PKLR: variants seen among roughly 807,000 people sequenced by gnomAD.
The protein encoded by PKLR is pyruvate kinase L/R, also known as pyruvate kinase PKLR.
A neutral mutation model predicts 53.6 loss-of-function variants in PKLR; 38 were observed. The observed-to-expected ratio is 0.71, with a 90% CI of 0.55 to 0.93. The LOEUF is 0.93. Among genes scored for constraint, PKLR ranks in the 40% least tolerant of loss-of-function variants. The pLI, the probability that PKLR is intolerant of heterozygous loss-of-function variation, is 0.00. For missense variants in PKLR, 702 were observed against 787.3 expected (o/e 0.89, Z 1.30); for synonymous variants, 328 against 316.2 (o/e 1.04, Z -0.39).
chr1:155,297,725 A>T (rs1302326550), intron 2 of PKLR, among the ~76,000 whole-genome samples: 1 of 152,162 alleles, frequency 6.6e-6, no homozygotes, highest in Non-Finnish European at 1.5e-5. Context: ...AAAATGGCCT[A>T]CAAAGCTGCA....
Position 155,295,850 on chromosome 1 carries a change from A to T in PKLR, c.284-94T>A. On this transcript the variant is annotated intron_variant, in intron 2 of 10. Coordinates refer to ENST00000342741, the MANE Select transcript of PKLR (RefSeq NM_000298.6). The surrounding 1 kb of genome is among the most constrained non-coding windows in gnomAD (Gnocchi z 4.3). ...TACCATTCTCAGAACGCCTCACGCC[A>T]CAGGCGTCCTGTTACCTGATCTTTA... 9.8e-7 allele frequency: 1 copy of T among 1,024,960 alleles called. No individual in the cohort carries two copies. Among genetic ancestry groups the T allele is most frequent in the Non-Finnish European group, 1.5e-6 (1 of 654,386 alleles). The allele number at this position is 1,024,960 out of a possible 1,614,324, so 63.5% of individuals were successfully genotyped here. A position where few individuals can be genotyped will look rare whatever the true frequency, so the allele number is the denominator to read the frequency against.
At chr1:155,301,523 C>A (rs1026240543), upstream of PKLR, 6 of 1,201,106 alleles carry the variant, frequency 5.0e-6, no homozygotes, top group Non-Finnish European at 6.1e-6. Context: ...CCTGTCCCCA[C>A]AGAATCCCTC....
At chr1:155,305,311 G>A (rs1185192906), upstream of PKLR, among the ~76,000 whole-genome samples, 4 of 152,202 alleles carry the variant, frequency 2.6e-5, no homozygotes, top group Admixed American at 6.5e-5. Context: ...CAGGAGTGGA[G>A]CTGGGATTCA....
rs774176341 is a variant in PKLR at position 155,301,391 on chromosome 1, G to T, written c.5C>A (p.Ser2Ter). 4 of 1,613,930 alleles carry T rather than the reference G, an allele frequency of 2.5e-6. No individual in the cohort carries two copies. The highest frequency in any genetic ancestry group is 3.4e-6 in the Non-Finnish European group (4 of 1,179,890). The change falls in exon 1 of 11, where the codon TCG (serine) becomes TAG (stop). Residue 2 changes from serine (S) to a stop codon, truncating the protein, a stop_gained. Transcript: ENST00000342741. LOFTEE classifies it high-confidence loss of function. M[S>*]IQENISSLQL... is the part of the protein sequence containing the mutation. ...CAGGGATGATATGTTCTCCTGGATC[G>T]ACATGCTTTCAGTGTGGGCCTGGGG...
intron 1 of PKLR, chr1:155,301,017 T>C (rs575944810): frequency 2.0e-4 from 312 of 1,549,868 alleles, no homozygotes; most frequent in Non-Finnish European, 2.6e-4. Flanking sequence ...CACTGTCTCC[T>C]GTTCCATTGG....
chr1:155,294,688 G>T lies in PKLR; in HGVS notation c.759C>A (p.Asn253Lys). The change falls in exon 6 of 11, where the codon AAC becomes AAA. Residue 253 changes from asparagine (N) to lysine (K), a missense_variant. By Grantham distance (94) the Asn-to-Lys change is moderately conservative (BLOSUM62 0). This residue lies in a region of PKLR where 519 missense variants were observed against 537.1 expected (regional missense o/e 0.97). Transcript: ENST00000342741. ...GCAAGTCCACCTGGGCCCCTGGCAA[G>T]TTCACGCCCTTCCGGCTGCCCAGGA... ...GGVLGSRKGV[N>K]LPGAQVDLPG... The T allele has an allele frequency of 6.2e-7, 1 of 1,614,050 alleles. No individual in the cohort carries two copies. The highest frequency in any genetic ancestry group is 8.5e-7 in the Non-Finnish European group (1 of 1,180,030).
intron 7 of PKLR, 25 bp downstream of exon 7, chr1:155,294,210 C>A: frequency 6.2e-7 from 1 of 1,613,828 alleles, no homozygotes; most frequent in Non-Finnish European, 8.5e-7. Flanking sequence ...CACAGAGTGC[C>A]GAACCTCAAG....
chr1:155,299,209 C>T (rs1435136688), intron 2 of PKLR, among the ~76,000 whole-genome samples: 1 of 135,898 alleles, frequency 7.4e-6, no homozygotes, highest in Non-Finnish European at 1.5e-5. Flanking sequence ...TTCTCTCTTT[C>T]TCTCTAGGGT....
chr1:155,305,396 T>C (rs2148224638), upstream of PKLR, among the ~76,000 whole-genome samples: 1 of 152,014 alleles, frequency 6.6e-6, no homozygotes, highest in East Asian at 1.9e-4. Context: ...ACTGTTTCAG[T>C]GGGTGGGAAA....
the PKLR span, among the ~76,000 whole-genome samples, chr1:155,307,026 T>C: frequency 7.2e-5 from 11 of 152,210 alleles, no homozygotes. Context: ...GCGATTCTCC[T>C]GCCTCAGCTT....
In PKLR at chr1:155,291,907, A is replaced by G; in HGVS notation, c.1467T>C (p.Pro489=). 6.2e-7 allele frequency: 1 copy of G among 1,613,664 alleles called. No homozygotes were observed. The highest frequency in any genetic ancestry group is 8.5e-7 in the Non-Finnish European group (1 of 1,180,020). The part of the protein sequence containing the change: ...RSAQLLSRYR[P]RAAVIAVTRS... ...GGGTGACAGCAATGACTGCTGCCCG[A>G]GGTCGGTACCGAGACAGAAGCTGGG... The change falls in exon 10 of 11, where the codon CCT becomes CCC. Residue 489 remains proline, a synonymous_variant. Coordinates refer to ENST00000342741, the MANE Select transcript of PKLR (RefSeq NM_000298.6).
At chr1:155,294,203 A>C (rs201570003) in intron 7 of PKLR, 32 bp downstream of exon 7, 475 of 1,613,070 alleles carry the variant, frequency 2.9e-4, no homozygotes, top group Non-Finnish European at 3.9e-4. Context: ...TAAAACCCAC[A>C]GAGTGCCGAA....
At position 155,295,475 on chromosome 1, in the gene PKLR, T is replaced by G. The variant is rs753840260; in HGVS notation, c.469A>C (p.Thr157Pro). The G allele has an allele frequency of 6.2e-7, 1 of 1,609,334 alleles. No individual in the cohort carries two copies. The highest frequency in any genetic ancestry group is 1.7e-5 in the Admixed American group (1 of 58,878). ...SYRPVAIALD[T>P]KGPEIRTGIL... ...CCAGTGCGGATCTCCGGTCCCTTGG[T>G]GTCCAGGGCGATGGCCACGGGCCGG... The change falls in exon 4 of 11, where the codon ACC becomes CCC. Residue 157 changes from threonine to proline, a missense_variant. This residue lies in a region of PKLR where 519 missense variants were observed against 537.1 expected (regional missense o/e 0.97). Coordinates refer to ENST00000342741, the MANE Select transcript of PKLR (RefSeq NM_000298.6). The surrounding 1 kb of genome is among the most constrained non-coding windows in gnomAD (Gnocchi z 4.3).
chr1:155,299,742 G>A (rs1022784171), intron 2 of PKLR, among the ~76,000 whole-genome samples: 1 of 151,930 alleles, frequency 6.6e-6, no homozygotes, highest in African/African-American at 2.4e-5. Flanking sequence ...CTGACCTCAA[G>A]TGATCTGCCC....
At chr1:155,308,556 G>A in the PKLR span, 7 of 985,198 alleles carry the variant, frequency 7.1e-6, no homozygotes, top group African/African-American at 1.2e-4. Flanking sequence ...TTACTAACGT[G>A]CCAATCAGCT....
chr1:155,295,229 C>T lies in PKLR; in HGVS notation c.581G>A (p.Arg194Gln). ...CACCCACACGGTGTTCGCGTTCCCCCGCGTCCGGAACGCGGGGTCCACAGT... is the reference window on the plus strand; with the variant it reads ...CACCCACACGGTGTTCGCGTTCCCCTGCGTCCGGAACGCGGGGTCCACAGT... Reference protein sequence around the residue: ...LVTVDPAFRTRGNANTVWVDY... With the variant: ...LVTVDPAFRTQGNANTVWVDY... Residue 194 changes from arginine (R) to glutamine (Q), a missense_variant, in exon 5 of 11, where the codon CGG becomes CAG. Physicochemically the swap from Arg to Gln is conservative, Grantham distance 43. This residue lies in a region of PKLR where 519 missense variants were observed against 537.1 expected (regional missense o/e 0.97). Coordinates refer to ENST00000342741, the MANE Select transcript of PKLR (RefSeq NM_000298.6). The surrounding 1 kb of genome is among the most constrained non-coding windows in gnomAD (Gnocchi z 4.3). 6.2e-7 allele frequency: 1 copy of T among 1,614,072 alleles called. No homozygotes were observed. Among genetic ancestry groups the T allele is most frequent in the East Asian group, 2.2e-5 (1 of 44,872 alleles).
rs759694655 is a variant in PKLR, at chr1:155,295,193, T to C, written c.617A>G (p.Asn206Ser). Residue 206 changes from asparagine (N) to serine (S), a missense_variant, in exon 5 of 11, where the codon AAT (asparagine) becomes AGT (serine). Physicochemically the swap from Asn to Ser is conservative, Grantham distance 46. This residue lies in a region of PKLR where 519 missense variants were observed against 537.1 expected (regional missense o/e 0.97). Coordinates refer to ENST00000342741, the MANE Select transcript of PKLR (RefSeq NM_000298.6). The surrounding 1 kb of genome is among the most constrained non-coding windows in gnomAD (Gnocchi z 4.3). ...CCCCACCGGCACGACCCGGACAATA[T>C]TGGGGTAGTCCACCCACACGGTGTT... is the stretch of plus-strand genomic sequence containing the variant. ...NANTVWVDYP[N>S]IVRVVPVGGR... The C allele has an allele frequency of 1.2e-6, 2 of 1,614,084 alleles. No individual in the cohort carries two copies. The highest frequency in any genetic ancestry group is 2.2e-5 in the East Asian group (1 of 44,878).
intron 10 of PKLR, among the ~76,000 whole-genome samples, chr1:155,291,094 C>T (rs1028776502): frequency 5.9e-5 from 9 of 151,736 alleles, no homozygotes; most frequent in East Asian, 1.9e-4. Flanking sequence ...AGCCCTGTAA[C>T]GAGAACCAGC....
At position 155,301,348 on chromosome 1, in the gene PKLR, G is replaced by A; in HGVS notation, c.48C>T (p.Val16=). The A allele has an allele frequency of 6.2e-7, 1 of 1,614,012 alleles. No homozygotes were observed. Among genetic ancestry groups the A allele is most frequent in the South Asian group, 1.1e-5 (1 of 91,074 alleles). The change falls in exon 1 of 11, where the codon GTC becomes GTT. Residue 16 remains valine, a synonymous_variant. Transcript: ENST00000342741. Reference sequence around the variant, plus strand: ...TTGCTAAGTCTCTTTGGGACTTAGAGACCCATGACCGAAGCTGCAGGGATG... The same window carrying A: ...TTGCTAAGTCTCTTTGGGACTTAGAAACCCATGACCGAAGCTGCAGGGATG... ...NISSLQLRSW[V]SKSQRDLAKS...
Sources: gnomAD v4.1 joint callset for allele counts (sites outside exome capture counted in the v4.1 genomes callset) on GRCh38, gnomAD v4.1.1 for gene constraint, gnomAD v4.1.1 regional missense constraint, Gnocchi (gnomAD v3.1) non-coding constraint, MANE v1.5 for transcripts, NCBI Gene and HGNC (gene_info 2026-07-23, HGNC 2026-07-21) for gene names.